EIPR1: variants seen among roughly 807,000 people sequenced by gnomAD.
EIPR1 encodes EARP complex and GARP complex interacting protein 1.
A neutral mutation model predicts 48.1 loss-of-function variants in EIPR1; 25 were observed. The observed-to-expected ratio is 0.52, with a 90% CI of 0.38 to 0.73. The LOEUF is 0.73. Ranked by LOEUF, EIPR1 falls within the 30% of genes least tolerant of loss-of-function variation. EIPR1 has a pLI of 0.00. For missense variants in EIPR1, 415 were observed against 506.2 expected (o/e 0.82, Z 1.73); for synonymous variants, 204 against 201.9 (o/e 1.01, Z -0.09).
intron 4 of EIPR1, among the ~76,000 whole-genome samples, chr2:3,243,350 C>T (rs1666696872): frequency 6.6e-6 from 1 of 152,102 alleles, no homozygotes; most frequent in Non-Finnish European, 1.5e-5. Flanking sequence ...ACAAGCAAGG[C>T]CAGGCACGGT....
intron 4 of EIPR1, among the ~76,000 whole-genome samples, chr2:3,215,023 AC>A (rs1346930277): frequency 1.6e-4 from 24 of 152,332 alleles, no homozygotes; most frequent in Admixed American, 1.4e-3. Flanking sequence ...GAGAGCCCTC[AC>A]CAGGAAATGA....
At chr2:3,249,850 A>C (rs913667211) in intron 4 of EIPR1, among the ~76,000 whole-genome samples, 1 of 152,224 alleles carries the variant, frequency 6.6e-6, no homozygotes, top group African/African-American at 2.4e-5. Flanking sequence ...CCATAGGTAC[A>C]GTTCCGGCAG....
intron 4 of EIPR1, among the ~76,000 whole-genome samples, chr2:3,233,612 C>A (rs1256668283): frequency 6.6e-6 from 1 of 152,222 alleles, no homozygotes; most frequent in Admixed American, 6.5e-5. Flanking sequence ...CTTTAATCTG[C>A]GTTTTCTAAC....
chr2:3,196,804 T>A (rs1664822253), intron 6 of EIPR1, 77 bp downstream of exon 6: 23 of 1,551,148 alleles, frequency 1.5e-5, no homozygotes, highest in Non-Finnish European at 1.9e-5. Context: ...TGGCTCACCA[T>A]CAGCTCCACC....
chr2:3,233,158 AT>A (rs1666295287), intron 4 of EIPR1, among the ~76,000 whole-genome samples: 1 of 152,142 alleles, frequency 6.6e-6, no homozygotes, highest in Non-Finnish European at 1.5e-5. Flanking sequence ...TACAATCATA[AT>A]CATTACTTAC....
rs189236279 is a variant in EIPR1 at position 3,239,068 on chromosome 2, G to A, written c.416+18231C>T. 1.4e-4 allele frequency among the ~76,000 whole-genome samples: 22 copies of A among 152,320 alleles called. 1 individual carries two copies. Among genetic ancestry groups the A allele is most frequent in the African/African-American group, 5.3e-4 (22 of 41,570 alleles). Reference sequence around the variant, plus strand: ...AAAACCCACAGTCAACAGATGAGGTGCCACGGCCAAGGATGGGACGCAACC... The same window carrying A: ...AAAACCCACAGTCAACAGATGAGGTACCACGGCCAAGGATGGGACGCAACC... On this transcript the variant is annotated intron_variant, in intron 4 of 8. Coordinates refer to ENST00000382125, the MANE Select transcript of EIPR1 (RefSeq NM_003310.5).
intron 3 of EIPR1, among the ~76,000 whole-genome samples, chr2:3,330,944 TG>T (rs1669875510): frequency 6.7e-6 from 1 of 149,424 alleles, no homozygotes; most frequent in Non-Finnish European, 1.5e-5. Flanking sequence ...ACTCGTGAGA[TG>T]GTGTGAGCAG....
intron 4 of EIPR1, among the ~76,000 whole-genome samples, chr2:3,230,432 T>C (rs936600500): frequency 5.9e-5 from 9 of 152,216 alleles, no homozygotes; most frequent in Non-Finnish European, 1.2e-4. Context: ...TCGGGGATGC[T>C]GAATAAACTG....
At chr2:3,278,619 C>A (rs898123550) in intron 3 of EIPR1, among the ~76,000 whole-genome samples, 1 of 152,170 alleles carries the variant, frequency 6.6e-6, no homozygotes, top group Non-Finnish European at 1.5e-5. Flanking sequence ...GCCTGCTCTA[C>A]CGGAGGCTCC....
chr2:3,241,757 T>C (rs1320840321), intron 4 of EIPR1, among the ~76,000 whole-genome samples: 1 of 152,128 alleles, frequency 6.6e-6, no homozygotes, highest in Non-Finnish European at 1.5e-5. Flanking sequence ...CCAGATAAAC[T>C]GAAACAAGCA....
At chr2:3,309,664 C>T (rs1300019468) in intron 3 of EIPR1, among the ~76,000 whole-genome samples, 3 of 152,046 alleles carry the variant, frequency 2.0e-5, no homozygotes. Flanking sequence ...AAACAGTGGG[C>T]GAGGGAGGTG....
At chr2:3,377,284 A>G (rs1220599473) in intron 1 of EIPR1, 2 of 256,676 alleles carry the variant, frequency 7.8e-6, no homozygotes, top group African/African-American at 4.4e-5. Context: ...ATTGTTTCAA[A>G]ATCAAACATT....
intron 4 of EIPR1, among the ~76,000 whole-genome samples, chr2:3,237,270 A>ACACACACACC (rs1553285356): frequency 2.1e-5 from 3 of 142,892 alleles, no homozygotes; most frequent in Admixed American, 7.0e-5. Flanking sequence ...ACACACACAC[A>ACACACACACC]CCATACATAT....
intron 4 of EIPR1, among the ~76,000 whole-genome samples, chr2:3,252,884 G>A (rs1667045029): frequency 1.3e-5 from 2 of 152,188 alleles, no homozygotes; most frequent in Admixed American, 1.3e-4. Context: ...CATTTCCACT[G>A]TAAATCAGAA....
At chr2:3,238,563 G>C (rs914016191) in intron 4 of EIPR1, among the ~76,000 whole-genome samples, 3 of 152,234 alleles carry the variant, frequency 2.0e-5, no homozygotes, top group Non-Finnish European at 4.4e-5. Flanking sequence ...GGCCCAGAGT[G>C]CAGCCTTCCT....
intron 1 of EIPR1, among the ~76,000 whole-genome samples, chr2:3,367,685 C>G (rs991847379): frequency 1.1e-4 from 17 of 152,004 alleles, no homozygotes; most frequent in African/African-American, 3.9e-4. Flanking sequence ...TGTAACTGAC[C>G]AAAGAGATCA....
intron 3 of EIPR1, among the ~76,000 whole-genome samples, chr2:3,309,301 G>A (rs538003994): frequency 2.4e-4 from 37 of 152,260 alleles, no homozygotes; most frequent in Admixed American, 1.4e-3. Flanking sequence ...AGTGACATAC[G>A]TATATTGTAA....
intron 3 of EIPR1, among the ~76,000 whole-genome samples, chr2:3,305,493 C>T (rs929454249): frequency 6.6e-6 from 1 of 151,940 alleles, no homozygotes; most frequent in Non-Finnish European, 1.5e-5. Flanking sequence ...GTCAGTTCAG[C>T]CCTCCACTCC....
chr2:3,201,974 C>A (rs566459420), intron 5 of EIPR1, among the ~76,000 whole-genome samples: 7 of 152,150 alleles, frequency 4.6e-5, no homozygotes, highest in African/African-American at 1.7e-4. Context: ...TCTCACTCTG[C>A]CACCCAGGCT....
Sources: allele counts gnomAD v4.1 joint callset (sites outside exome capture counted in the v4.1 genomes callset), GRCh38; gene constraint gnomAD v4.1.1; transcripts MANE v1.5; gene names NCBI Gene and HGNC (gene_info 2026-07-23, HGNC 2026-07-21).